RARB: variants seen among roughly 807,000 people sequenced by gnomAD.
RARB encodes the protein retinoic acid receptor beta, also known as HBV-activated protein.
Under a neutral mutation model 51.9 loss-of-function variants are expected in RARB, and 17 were observed. The ratio of observed to expected loss-of-function variants is 0.33; its 90% confidence interval spans 0.22 to 0.49. The LOEUF is 0.49. Ranked by LOEUF, RARB falls within the 20% of genes least tolerant of loss-of-function variation. The pLI is 0.99. For missense variants in RARB, 369 were observed against 550.8 expected, an observed-to-expected ratio of 0.67 and a Z score of 3.30; for synonymous variants, 215 against 195.4, an observed-to-expected ratio of 1.10 and a Z score of -0.84.
At chr3:25,002,947 ATTACT>A (rs903657985) in intron 2 of RARB, among the ~76,000 whole-genome samples, 173 of 152,270 alleles carry the variant, frequency 1.1e-3, no homozygotes, top group African/African-American at 4.0e-3. Flanking sequence ...TATGATTATG[ATTACT>A]TTACAATAGT....
chr3:25,122,900 C>T (rs1224596407), intron 3 of RARB, among the ~76,000 whole-genome samples: 4 of 152,124 alleles, frequency 2.6e-5, no homozygotes, highest in Admixed American at 1.3e-4. Flanking sequence ...AAATCCTTTC[C>T]ATCGGGTCTG....
At chr3:25,037,191 G>A (rs1447694906) in intron 2 of RARB, among the ~76,000 whole-genome samples, 2 of 151,736 alleles carry the variant, frequency 1.3e-5, no homozygotes, top group Admixed American at 6.6e-5. Flanking sequence ...CTTTTGTATC[G>A]TGCACATCTG....
At chr3:25,133,279 T>A (rs1342722279) in intron 4 of RARB, among the ~76,000 whole-genome samples, 2 of 151,964 alleles carry the variant, frequency 1.3e-5, no homozygotes, top group Non-Finnish European at 2.9e-5. Context: ...AATCACTGAT[T>A]ATTTTCCCTA....
At chr3:25,574,121 G>T (rs1700822911) in intron 4 of RARB, among the ~76,000 whole-genome samples, 1 of 152,206 alleles carries the variant, frequency 6.6e-6, no homozygotes, top group African/African-American at 2.4e-5. Context: ...ATAGAATCAG[G>T]ACTGAACCAG....
intron 5 of RARB, among the ~76,000 whole-genome samples, chr3:25,316,784 T>C (rs1704435528): frequency 1.3e-5 from 2 of 152,212 alleles, no homozygotes; most frequent in Admixed American, 6.5e-5. Flanking sequence ...TTTAAATTTT[T>C]GTCCTTTTCT....
chr3:25,038,527 T>C (rs897975953), intron 2 of RARB, among the ~76,000 whole-genome samples: 2 of 152,136 alleles, frequency 1.3e-5, no homozygotes, highest in Non-Finnish European at 2.9e-5. Context: ...TGGCCCTCCT[T>C]TTTTTCTTTG....
At chr3:25,566,711 A>G (rs1700510149) in intron 3 of RARB, among the ~76,000 whole-genome samples, 1 of 152,118 alleles carries the variant, frequency 6.6e-6, no homozygotes, top group South Asian at 2.1e-4. Context: ...TGAGTTTTCC[A>G]GGCCCCTGGT....
At chr3:25,389,027 G>A (rs1303838385) in intron 5 of RARB, among the ~76,000 whole-genome samples, 1 of 152,134 alleles carries the variant, frequency 6.6e-6, no homozygotes, top group African/African-American at 2.4e-5. Flanking sequence ...AAGAAAGAAG[G>A]AAAAGGAAGA....
intron 2 of RARB, among the ~76,000 whole-genome samples, chr3:25,014,526 G>T (rs986588501): frequency 2.0e-5 from 3 of 152,060 alleles, no homozygotes; most frequent in Non-Finnish European, 2.9e-5. Flanking sequence ...ATCTATTTTT[G>T]ACCTTCCAAT....
intron 4 of RARB, among the ~76,000 whole-genome samples, chr3:25,133,825 C>G (rs573505573): frequency 3.6e-4 from 36 of 99,468 alleles, no homozygotes; most frequent in Non-Finnish European, 6.5e-4. Flanking sequence ...GTGTGTGACA[C>G]AAGGAGGGGG....
intron 2 of RARB, among the ~76,000 whole-genome samples, chr3:24,933,867 A>T (rs370062193): frequency 6.6e-6 from 1 of 152,162 alleles, no homozygotes; most frequent in African/African-American, 2.4e-5. Context: ...AAACAAAAAA[A>T]TTGTTAGAAG....
chr3:25,134,261 T>A (rs1024678545), intron 4 of RARB, among the ~76,000 whole-genome samples: 1 of 151,764 alleles, frequency 6.6e-6, no homozygotes, highest in Non-Finnish European at 1.5e-5. Flanking sequence ...GTTGTAAGAG[T>A]TAATGGGAAA....
chr3:25,350,413 T>C (rs561829328), intron 5 of RARB, among the ~76,000 whole-genome samples: 2 of 152,318 alleles, frequency 1.3e-5, no homozygotes, highest in East Asian at 3.9e-4. Context: ...GAATAGTGGC[T>C]TTGACTTTAG....
At chr3:25,089,515 T>C (rs1419413480) in intron 3 of RARB, among the ~76,000 whole-genome samples, 1 of 151,672 alleles carries the variant, frequency 6.6e-6, no homozygotes, top group Non-Finnish European at 1.5e-5. Context: ...ATGAAAAGAG[T>C]ATGTTGAAAT....
intron 5 of RARB, among the ~76,000 whole-genome samples, chr3:25,230,371 T>C (rs1172268668): frequency 6.6e-6 from 1 of 151,930 alleles, no homozygotes; most frequent in Non-Finnish European, 1.5e-5. Context: ...AAATTATAAA[T>C]AAAAATGGGA....
intron 5 of RARB, among the ~76,000 whole-genome samples, chr3:25,182,428 G>T (rs1048392791): frequency 6.6e-6 from 1 of 152,162 alleles, no homozygotes; most frequent in Non-Finnish European, 1.5e-5. Flanking sequence ...GTCTTGGAAG[G>T]CATATGGGGT....
intron 2 of RARB, among the ~76,000 whole-genome samples, chr3:24,959,061 C>G (rs1194032953): frequency 6.6e-6 from 1 of 152,162 alleles, no homozygotes; most frequent in Non-Finnish European, 1.5e-5. Flanking sequence ...ACCAGCAATC[C>G]CTGAAGCCCC....
intron 3 of RARB, among the ~76,000 whole-genome samples, chr3:25,083,288 G>T (rs1391319933): frequency 6.6e-6 from 1 of 152,044 alleles, no homozygotes; most frequent in Non-Finnish European, 1.5e-5. Flanking sequence ...CTAATTGCAT[G>T]TATGGTAACC....
chr3:25,529,893 CA>C (rs1698821873), intron 3 of RARB, among the ~76,000 whole-genome samples: 1 of 152,120 alleles, frequency 6.6e-6, no homozygotes, highest in Admixed American at 6.6e-5. Context: ...GCAAGGTACT[CA>C]AAAAAGTGAT....
Sources: gnomAD v4.1 joint callset for allele counts (sites outside exome capture counted in the v4.1 genomes callset) on GRCh38, gnomAD v4.1.1 for gene constraint, MANE v1.5 for transcripts, NCBI Gene and HGNC (gene_info 2026-07-23, HGNC 2026-07-21) for gene names.